CDH18: variants seen among roughly 807,000 people sequenced by gnomAD.
CDH18 encodes the protein cadherin 18.
Under a neutral mutation model 67.9 loss-of-function variants are expected in CDH18, and 31 were observed. The ratio of observed to expected loss-of-function variants is 0.46; its 90% CI spans 0.34 to 0.62. The LOEUF is 0.62. Among genes scored for constraint, CDH18 ranks in the 20% least tolerant of loss-of-function variants. The probability of loss-of-function intolerance (pLI) is 0.01; values close to 1 mark genes in which losing one functional copy is unlikely to be tolerated. For missense variants in CDH18, 890 were observed against 975.5 expected, an observed-to-expected ratio of 0.91 and a Z score of 1.17; for synonymous variants, 362 against 347.2, an observed-to-expected ratio of 1.04 and a Z score of -0.48.
intron 1 of CDH18, among the ~76,000 whole-genome samples, chr5:20,541,281 G>C (rs924659943): frequency 1.3e-5 from 2 of 151,978 alleles, no homozygotes; most frequent in Non-Finnish European, 2.9e-5. Flanking sequence ...AAGCTTTTTT[G>C]TTTGTTTCAG....
chr5:19,743,738 T>A (rs1000743967), intron 4 of CDH18, among the ~76,000 whole-genome samples: 4 of 151,990 alleles, frequency 2.6e-5, no homozygotes, highest in African/African-American at 4.8e-5. Context: ...CTGGCCAACA[T>A]GGCAAGACCC....
chr5:20,300,388 GCTGT>G (rs1301957138), intron 1 of CDH18, among the ~76,000 whole-genome samples: 2 of 151,298 alleles, frequency 1.3e-5, no homozygotes, highest in Non-Finnish European at 2.9e-5. Context: ...CGTTTTTCCT[GCTGT>G]CTGTCTCCAC....
chr5:20,204,128 T>A (rs1739686713), intron 2 of CDH18, among the ~76,000 whole-genome samples: 1 of 151,836 alleles, frequency 6.6e-6, no homozygotes, highest in South Asian at 2.1e-4. Flanking sequence ...CATATACACA[T>A]CCAGGTGCAG....
Position 19,878,094 on chromosome 5 carries a change from G to C in CDH18, c.-256-38852C>G, listed in dbSNP as rs193270284. ...ATATGTTCCCATTTTTGAAAACCTA[G>C]GTGGATAAAAAGGAGAAAAAAGTTT... is the stretch of plus-strand genomic sequence containing the variant. On this transcript the variant is annotated intron_variant, in intron 2 of 12. Transcript: ENST00000382275. 1.8e-3 allele frequency: 276 copies of C among 152,106 alleles called. 1 individual carries two copies. Among genetic ancestry groups the C allele is most frequent in the African/African-American group, 6.4e-3 (264 of 41,520 alleles). 9.4% of individuals were successfully genotyped at this position (152,106 alleles called of 1,614,324 possible).
chr5:20,166,415 G>A (rs1176972822), intron 2 of CDH18, among the ~76,000 whole-genome samples: 1 of 133,626 alleles, frequency 7.5e-6, no homozygotes, highest in Non-Finnish European at 1.5e-5. Context: ...ACTCCAGCCT[G>A]GGCAACAGAG....
chr5:20,191,454 A>G (rs1225788521), intron 2 of CDH18, among the ~76,000 whole-genome samples: 1 of 151,914 alleles, frequency 6.6e-6, no homozygotes, highest in Non-Finnish European at 1.5e-5. Context: ...TTACATTGGT[A>G]TTTGTGTGCC....
chr5:19,549,555 A>C (rs1345760393), intron 8 of CDH18, among the ~76,000 whole-genome samples: 10 of 152,120 alleles, frequency 6.6e-5, no homozygotes, highest in African/African-American at 2.4e-4. Context: ...AGAATGAAAG[A>C]TATATATTAA....
At chr5:19,990,120 A>G (rs901936884), upstream of CDH18, among the ~76,000 whole-genome samples, 11 of 152,158 alleles carry the variant, frequency 7.2e-5, no homozygotes, top group African/African-American at 1.2e-4. Flanking sequence ...TACATTTCCA[A>G]TCTTTCTATG....
At chr5:19,692,061 C>A (rs1184551543) in intron 5 of CDH18, among the ~76,000 whole-genome samples, 1 of 151,852 alleles carries the variant, frequency 6.6e-6, no homozygotes, top group African/African-American at 2.4e-5. Context: ...GAATAGAGAA[C>A]CCAGAAATAA....
At chr5:20,321,664 CCTTT>C (rs946753067) in intron 1 of CDH18, among the ~76,000 whole-genome samples, 1 of 152,080 alleles carries the variant, frequency 6.6e-6, no homozygotes, top group African/African-American at 2.4e-5. Context: ...TTTATTCTCT[CCTTT>C]CTTTCTTTCC....
chr5:20,399,092 T>A (rs4422533), intron 1 of CDH18, among the ~76,000 whole-genome samples: 37,088 of 152,098 alleles, frequency 0.24, 5,090 homozygotes, highest in East Asian at 0.5. Flanking sequence ...CCATGGAAAG[T>A]CTGATCACGG....
At chr5:19,525,690 T>G (rs1217810911) in intron 9 of CDH18, among the ~76,000 whole-genome samples, 1 of 152,194 alleles carries the variant, frequency 6.6e-6, no homozygotes, top group Non-Finnish European at 1.5e-5. Flanking sequence ...ACAGCCTTCT[T>G]GCAGCATTCT....
At chr5:20,161,156 AATTT>A (rs1204353792) in intron 2 of CDH18, among the ~76,000 whole-genome samples, 7 of 152,168 alleles carry the variant, frequency 4.6e-5, no homozygotes, top group Non-Finnish European at 7.3e-5. Flanking sequence ...TTGATTTATT[AATTT>A]TTGTGATTCT....
intron 7 of CDH18, among the ~76,000 whole-genome samples, chr5:19,584,793 C>CAAAAAAAAAAAAAAAAAAAAAAAA (rs61297842): frequency 8.0e-5 from 6 of 75,090 alleles, no homozygotes; most frequent in East Asian, 4.3e-4. Context: ...ACTAAAAATA[C>CAAAAAAAAAAAAAAAAAAAAAAAA]AAAAAAAAAA....
chr5:20,003,623 G>A (rs1235546765), intron 2 of CDH18, among the ~76,000 whole-genome samples: 7 of 152,038 alleles, frequency 4.6e-5, no homozygotes, highest in Admixed American at 2.0e-4. Context: ...GGCCGGTCGC[G>A]GTGGCTCAAG....
At chr5:20,237,102 G>A (rs2126528783) in intron 2 of CDH18, among the ~76,000 whole-genome samples, 1 of 151,734 alleles carries the variant, frequency 6.6e-6, no homozygotes, top group African/African-American at 2.4e-5. Context: ...TTTTATAAAG[G>A]GGCTTTAATA....
intron 12 of CDH18, among the ~76,000 whole-genome samples, chr5:19,476,673 A>G (rs1430505611): frequency 1.3e-5 from 2 of 152,092 alleles, no homozygotes; most frequent in Non-Finnish European, 2.9e-5. Flanking sequence ...ATTTATAAAG[A>G]CTGCCTAATT....
At chr5:19,579,658 C>T (rs1252194349) in intron 7 of CDH18, among the ~76,000 whole-genome samples, 2 of 151,552 alleles carry the variant, frequency 1.3e-5, no homozygotes, top group African/African-American at 2.4e-5. Context: ...CTTATTAGCT[C>T]GGACTTATAT....
chr5:20,003,089 T>A (rs754168709), intron 2 of CDH18, among the ~76,000 whole-genome samples: 1 of 152,200 alleles, frequency 6.6e-6, no homozygotes, highest in Non-Finnish European at 1.5e-5. Flanking sequence ...CCTTTACCAA[T>A]TTTAATGGAT....
Sources: gnomAD v4.1 joint callset for allele counts (sites outside exome capture counted in the v4.1 genomes callset) on GRCh38, gnomAD v4.1.1 for gene constraint, MANE v1.5 for transcripts, NCBI Gene and HGNC (gene_info 2026-07-23, HGNC 2026-07-21) for gene names.